PLCL2: variants seen among roughly 807,000 people sequenced by gnomAD.
PLCL2 encodes the protein phospholipase C like 2.
PLCL2 carries 4 observed loss-of-function variants against 79.6 expected under a neutral mutation model. That is an observed-to-expected ratio of 0.05 (90% CI 0.02 to 0.11). PLCL2 has a LOEUF of 0.11. PLCL2 is among the 10% of genes least tolerant of loss of function. The pLI, the probability that PLCL2 is intolerant of heterozygous loss-of-function variation, is 1.00. For missense variants in PLCL2, 895 were observed against 1,291.0 expected (o/e 0.69, Z 4.70); for synonymous variants, 484 against 457.7 (o/e 1.06, Z -0.73).
chr3:16,970,363 C>T (rs1037259458), intron 1 of PLCL2, among the ~76,000 whole-genome samples: 1 of 151,526 alleles, frequency 6.6e-6, no homozygotes, highest in African/African-American at 2.4e-5. Flanking sequence ...TTTCCAATTT[C>T]ATCCATGTCC....
At chr3:17,032,909 G>A (rs752139166) in intron 3 of PLCL2, among the ~76,000 whole-genome samples, 7 of 152,082 alleles carry the variant, frequency 4.6e-5, no homozygotes, top group South Asian at 2.1e-4. Flanking sequence ...AATATGGCCC[G>A]CTTCTAAGTG....
intron 4 of PLCL2, among the ~76,000 whole-genome samples, chr3:17,046,710 T>G (rs2064784265): frequency 6.6e-6 from 1 of 152,048 alleles, no homozygotes; most frequent in Non-Finnish European, 1.5e-5. Context: ...AGAAACTGAG[T>G]AACAGCTGAA....
chr3:17,078,399 A>T (rs1284809583), intron 5 of PLCL2, among the ~76,000 whole-genome samples: 1 of 152,006 alleles, frequency 6.6e-6, no homozygotes, highest in Non-Finnish European at 1.5e-5. Context: ...GGCCTGGAAC[A>T]TCGAAGAAGG....
chr3:17,074,168 A>C (rs191113938), intron 5 of PLCL2, among the ~76,000 whole-genome samples: 5 of 152,324 alleles, frequency 3.3e-5, no homozygotes, highest in Non-Finnish European at 7.4e-5. Context: ...GAAAGTCAAA[A>C]TTACTCTTTG....
intron 2 of PLCL2, 21 bp from the exon 3 acceptor site, chr3:17,014,687 T>C (rs754667644): frequency 1.9e-6 from 3 of 1,582,748 alleles, no homozygotes; most frequent in Non-Finnish European, 2.6e-6. Flanking sequence ...TTACAAATGC[T>C]CCTTTCATTC....
At chr3:17,034,322 T>A (rs1370371003) in intron 3 of PLCL2, among the ~76,000 whole-genome samples, 1 of 152,186 alleles carries the variant, frequency 6.6e-6, no homozygotes, top group Non-Finnish European at 1.5e-5. Context: ...CCTGCTGGGA[T>A]AGGCTCTGGC....
chr3:17,058,894 C>T (rs765019498), intron 4 of PLCL2, among the ~76,000 whole-genome samples: 3 of 152,034 alleles, frequency 2.0e-5, no homozygotes, highest in Admixed American at 6.6e-5. Flanking sequence ...AGAATTCCAT[C>T]ACATATAAAT....
intron 1 of PLCL2, among the ~76,000 whole-genome samples, chr3:16,888,164 A>C (rs750517977): frequency 7.9e-5 from 12 of 152,206 alleles, no homozygotes; most frequent in Non-Finnish European, 1.8e-4. Flanking sequence ...TGGGCAAAGA[A>C]AGGGGGACTA....
intron 5 of PLCL2, among the ~76,000 whole-genome samples, chr3:17,079,985 C>T (rs936455599): frequency 3.9e-5 from 6 of 152,172 alleles, no homozygotes; most frequent in Non-Finnish European, 5.9e-5. Flanking sequence ...GCTTAGAGGG[C>T]TCTCCTTTCC....
intron 1 of PLCL2, among the ~76,000 whole-genome samples, chr3:16,978,495 G>A (rs1315076795): frequency 6.6e-6 from 1 of 152,204 alleles, no homozygotes; most frequent in East Asian, 1.9e-4. Context: ...AGGAGAGAAA[G>A]AGAAAGGCAT....
At chr3:16,900,400 A>T (rs1007243592) in intron 1 of PLCL2, among the ~76,000 whole-genome samples, 17 of 152,194 alleles carry the variant, frequency 1.1e-4, no homozygotes, top group Admixed American at 3.9e-4. Context: ...AAGAAGCTAT[A>T]AACTTTATAT....
chr3:17,012,554 G>C (rs1490401735), intron 2 of PLCL2, among the ~76,000 whole-genome samples: 1 of 152,212 alleles, frequency 6.6e-6, no homozygotes, highest in African/African-American at 2.4e-5. Flanking sequence ...TAAAATGGAT[G>C]TGATCCAGTC....
At chr3:17,019,986 A>T (rs1001484267) in intron 3 of PLCL2, among the ~76,000 whole-genome samples, 12 of 152,156 alleles carry the variant, frequency 7.9e-5, no homozygotes, top group African/African-American at 2.4e-4. Context: ...TTAAGAATGG[A>T]TTTGCACTGG....
In PLCL2 at chr3:16,936,595, G is replaced by A. The variant is rs554704413; in HGVS notation, c.327+51229G>A. On this transcript the variant is annotated intron_variant, in intron 1 of 5. Transcript: ENST00000615277. ...AGTTTATCTTTCTACATGAATTTTT[G>A]GAAAATCTAAGTGTAATTTTATTCC... 3.3e-5 allele frequency among the ~76,000 whole-genome samples: 5 copies of A among 152,250 alleles called. No homozygotes were observed. In the Middle Eastern group the frequency reaches 0.014, roughly 414 times the overall value.
chr3:17,023,572 C>T (rs542938713), intron 3 of PLCL2, among the ~76,000 whole-genome samples: 1 of 152,182 alleles, frequency 6.6e-6, no homozygotes, highest in Non-Finnish European at 1.5e-5. Flanking sequence ...AAATGCCTTT[C>T]ACCTTCTGCC....
At chr3:17,068,158 G>C in intron 5 of PLCL2, 93 bp downstream of exon 5, 1 of 696,686 alleles carries the variant, frequency 1.4e-6, no homozygotes, top group Non-Finnish European at 2.6e-6. Context: ...ATTGTACATG[G>C]TCAGCCACTG....
intron 1 of PLCL2, among the ~76,000 whole-genome samples, chr3:16,915,907 G>A (rs1696983330): frequency 6.6e-6 from 1 of 152,142 alleles, no homozygotes; most frequent in Non-Finnish European, 1.5e-5. Flanking sequence ...TCAGAAGCAG[G>A]GAATGCAATA....
intron 3 of PLCL2, among the ~76,000 whole-genome samples, chr3:17,029,487 G>T (rs1301470498): frequency 2.0e-5 from 3 of 152,144 alleles, no homozygotes; most frequent in African/African-American, 7.2e-5. Flanking sequence ...GCTGCCTGAG[G>T]TGGGAACATC....
At chr3:16,889,034 A>G (rs771160171) in intron 1 of PLCL2, among the ~76,000 whole-genome samples, 7 of 152,220 alleles carry the variant, frequency 4.6e-5, no homozygotes, top group African/African-American at 7.2e-5. Context: ...TCATCCCCAG[A>G]CAATGGCAAT....
Sources: allele counts gnomAD v4.1 joint callset (sites outside exome capture counted in the v4.1 genomes callset), GRCh38; gene constraint gnomAD v4.1.1; transcripts MANE v1.5; gene names NCBI Gene and HGNC (gene_info 2026-07-23, HGNC 2026-07-21).